NRG1: variants seen among roughly 807,000 people sequenced by gnomAD.
NRG1 encodes pro-neuregulin-1, membrane-bound isoform.
NRG1 carries 18 observed loss-of-function variants against 63.8 expected under a neutral mutation model. The ratio of observed to expected loss-of-function variants is 0.28; its 90% confidence interval spans 0.19 to 0.42. NRG1 has a LOEUF of 0.42. NRG1 is among the 10% of genes least tolerant of loss of function. The pLI, the probability that NRG1 is intolerant of heterozygous loss-of-function variation, is 1.00. For missense variants in NRG1, 762 were observed against 814.7 expected (o/e 0.94, Z 0.79); for synonymous variants, 302 against 301.3 (o/e 1.00, Z -0.02).
chr8:32,731,929 G>T (rs533717974), intron 6 of NRG1, among the ~76,000 whole-genome samples: 1 of 152,294 alleles, frequency 6.6e-6, no homozygotes, highest in East Asian at 1.9e-4. Flanking sequence ...AACACCACAA[G>T]CATGGAAGTT....
chr8:31,882,316 A>G (rs1830407149), intron 1 of NRG1, among the ~76,000 whole-genome samples: 1 of 141,554 alleles, frequency 7.1e-6, no homozygotes, highest in African/African-American at 2.7e-5. Flanking sequence ...GTTGAGACTT[A>G]CTGCTCAAAA....
chr8:32,539,237 G>A (rs529852836), intron 1 of NRG1, among the ~76,000 whole-genome samples: 52 of 152,280 alleles, frequency 3.4e-4, no homozygotes, highest in Non-Finnish European at 5.0e-4. Context: ...TAATAGAGAC[G>A]TTACACGAAG....
rs535780243 is a variant in NRG1 at position 32,499,219 on chromosome 8, G to T, written c.38-96609G>T. 2.6e-5 allele frequency among the ~76,000 whole-genome samples: 4 copies of T among 152,318 alleles called. No homozygotes were observed. In the South Asian group the frequency reaches 8.3e-4, roughly 32 times the overall value. ...TCTCATTTCAGGAAGCAGCATGCAGGTGGGAGTGGGGCACCCCTCTGAAGT... is the reference window on the plus strand; with the variant it reads ...TCTCATTTCAGGAAGCAGCATGCAGTTGGGAGTGGGGCACCCCTCTGAAGT... On this transcript the variant is annotated intron_variant, in intron 1 of 10. Coordinates refer to the NRG1 transcript ENST00000519301.
chr8:32,106,408 A>T (rs543460709), intron 1 of NRG1, among the ~76,000 whole-genome samples: 7 of 152,204 alleles, frequency 4.6e-5, no homozygotes, highest in Non-Finnish European at 1.0e-4. Context: ...ACATCATCTC[A>T]GGAAGGCTCA....
intron 1 of NRG1, among the ~76,000 whole-genome samples, chr8:32,025,243 A>T (rs963456312): frequency 1.3e-5 from 2 of 152,146 alleles, no homozygotes; most frequent in African/African-American, 4.8e-5. Flanking sequence ...AAAACTCATT[A>T]TGTTGTTTTG....
chr8:32,344,418 CATGTGTGTGT>C (rs1193546876), intron 1 of NRG1, among the ~76,000 whole-genome samples: 3,980 of 92,430 alleles, frequency 0.043, 222 homozygotes, highest in East Asian at 0.093. Flanking sequence ...TGCGTGCATG[CATGTGTGTGT>C]GTGTGTGTGT....
chr8:32,383,208 G>T (rs1810573365), intron 1 of NRG1, among the ~76,000 whole-genome samples: 1 of 152,162 alleles, frequency 6.6e-6, no homozygotes. Flanking sequence ...CTTGGTGATA[G>T]AGCAAGACCC....
chr8:32,513,597 A>G (rs1181476197), intron 1 of NRG1, among the ~76,000 whole-genome samples: 4 of 152,158 alleles, frequency 2.6e-5, no homozygotes, highest in African/African-American at 7.2e-5. Flanking sequence ...CAGCTTTACC[A>G]TATTGTGAAT....
intron 1 of NRG1, among the ~76,000 whole-genome samples, chr8:32,122,665 G>A (rs1314579008): frequency 1.3e-5 from 2 of 151,638 alleles, no homozygotes; most frequent in Non-Finnish European, 2.9e-5. Context: ...GGGTACATGT[G>A]CACAATGTGC....
chr8:32,605,239 T>C (rs1378940229), intron 2 of NRG1, among the ~76,000 whole-genome samples: 1 of 152,124 alleles, frequency 6.6e-6, no homozygotes, highest in African/African-American at 2.4e-5. Context: ...AATTTACCAA[T>C]TGGGTTTAAA....
At chr8:32,171,393 G>C (rs1840016581) in intron 1 of NRG1, 1 of 152,280 alleles carries the variant, frequency 6.6e-6, no homozygotes, top group African/African-American at 2.4e-5. Flanking sequence ...AATAGGAAGA[G>C]CTCCAGTCTA....
intron 1 of NRG1, among the ~76,000 whole-genome samples, chr8:32,104,606 AAC>A (rs1283516253): frequency 1.1e-4 from 16 of 152,178 alleles, no homozygotes; most frequent in African/African-American, 3.9e-4. Flanking sequence ...TTGAAATACA[AAC>A]ACATTGTACA....
chr8:32,762,038 C>CAAA lies in NRG1; in HGVS notation c.1259+1652_1259+1654dup, dbSNP rs11407724. On this transcript the variant is annotated intron_variant, in intron 11 of 11. Coordinates refer to ENST00000356819, the Ensembl canonical transcript of NRG1. ...TAGGCAACAGAGCAAGACTCCGCCT[C>CAAA]AAAAAAAAAAAAAAAAAAAAAACAT... 6.7e-3 allele frequency among the ~76,000 whole-genome samples: 534 copies of CAAA among 79,316 alleles called. 1 individual carries two copies. Among genetic ancestry groups the CAAA allele is most frequent in the Middle Eastern group, 0.011 (1 of 94 alleles). 52.0% of individuals were successfully genotyped at this position (79,316 alleles called of 152,430 possible).
chr8:31,982,519 G>A (rs1037875726), intron 1 of NRG1, among the ~76,000 whole-genome samples: 21 of 152,020 alleles, frequency 1.4e-4, no homozygotes, highest in Non-Finnish European at 1.5e-4. Context: ...AGGAAGTGCT[G>A]AAAGAGCATG....
chr8:31,656,830 G>C (rs1384743220), intron 1 of NRG1, among the ~76,000 whole-genome samples: 1 of 152,150 alleles, frequency 6.6e-6, no homozygotes, highest in Non-Finnish European at 1.5e-5. Context: ...CTGGTACCCA[G>C]GTCCTATGAG....
rs181629782 is a variant in NRG1, at chr8:32,763,738, G to A, written c.1260-10G>A. Reference sequence around the variant, plus strand: ...ACCACACTTATGCAGGGTATTCTGTGCTCACACAGGTATGTGTCAGCCATG... The same window carrying A: ...ACCACACTTATGCAGGGTATTCTGTACTCACACAGGTATGTGTCAGCCATG... On this transcript the variant is annotated splice_polypyrimidine_tract_variant and intron_variant, in intron 11 of 11. Coordinates refer to ENST00000356819, the Ensembl canonical transcript of NRG1. 1 of 1,531,614 alleles carries A rather than the reference G, an allele frequency of 6.5e-7. No homozygotes were observed. Among genetic ancestry groups the A allele is most frequent in the East Asian group, 2.3e-5 (1 of 44,206 alleles). The allele number at this position is 1,531,614 out of a possible 1,614,324, so 94.9% of individuals were successfully genotyped here.
intron 1 of NRG1, among the ~76,000 whole-genome samples, chr8:32,364,139 A>C (rs975143496): frequency 1.4e-5 from 2 of 147,980 alleles, no homozygotes; most frequent in Non-Finnish European, 3.0e-5. Context: ...TATAATACAC[A>C]AATATACATA....
chr8:32,587,291 A>T (rs533289909), intron 1 of NRG1, among the ~76,000 whole-genome samples: 3 of 152,164 alleles, frequency 2.0e-5, no homozygotes, highest in Non-Finnish European at 4.4e-5. Flanking sequence ...CACTCTGGGT[A>T]GACTCTGAAA....
intron 1 of NRG1, among the ~76,000 whole-genome samples, chr8:32,022,534 A>G (rs1816615937): frequency 6.6e-6 from 1 of 152,196 alleles, no homozygotes; most frequent in African/African-American, 2.4e-5. Flanking sequence ...TCAAATTACA[A>G]GACATGCAAC....
Sources: gnomAD v4.1 joint callset for allele counts (sites outside exome capture counted in the v4.1 genomes callset) on GRCh38, gnomAD v4.1.1 for gene constraint, MANE v1.5 for transcripts, NCBI Gene and HGNC (gene_info 2026-07-23, HGNC 2026-07-21) for gene names.